Variants in LIPK observed in about 807,000 individuals in gnomAD.
The protein encoded by LIPK is lipase member K.
A neutral mutation model predicts 48.6 loss-of-function variants in LIPK; 32 were observed. That is an observed-to-expected ratio of 0.66 (90% CI 0.50 to 0.88). The LOEUF (loss-of-function observed/expected upper bound fraction) is 0.88. Among genes scored for constraint, LIPK ranks in the 40% least tolerant of loss-of-function variants. LIPK has a pLI of 0.00. For missense variants in LIPK, 507 were observed against 478.5 expected (o/e 1.06, Z -0.56); for synonymous variants, 164 against 157.4 (o/e 1.04, Z -0.32).
intron 6 of LIPK, among the ~76,000 whole-genome samples, chr10:88,736,684 A>G (rs1227240280): frequency 6.6e-6 from 1 of 152,230 alleles, no homozygotes. Flanking sequence ...ACTTCATAAA[A>G]TAATCAACAA....
intron 7 of LIPK, among the ~76,000 whole-genome samples, chr10:88,738,916 T>C (rs1467857632): frequency 6.6e-6 from 1 of 152,198 alleles, no homozygotes; most frequent in African/African-American, 2.4e-5. Context: ...TTTGAAAAAA[T>C]ACACATGTCC....
chr10:88,749,122 A>T (rs1454237604), intron 9 of LIPK, among the ~76,000 whole-genome samples: 7 of 152,164 alleles, frequency 4.6e-5, no homozygotes, highest in Non-Finnish European at 1.0e-4. Context: ...GAAATCAGAG[A>T]TGATACAAAT....
At chr10:88,743,610 T>C (rs774756216) in intron 9 of LIPK, among the ~76,000 whole-genome samples, 196 of 152,006 alleles carry the variant, frequency 1.3e-3, no homozygotes, top group Non-Finnish European at 2.8e-3. Flanking sequence ...GGGCTCAAGA[T>C]GGTCAACTGG....
chr10:88,731,243 T>C (rs1842461493), intron 4 of LIPK, 62 bp downstream of exon 4: 1 of 1,298,986 alleles, frequency 7.7e-7, no homozygotes, highest in Non-Finnish European at 1.0e-6. Flanking sequence ...TATGAACACC[T>C]AGTGATTTTT....
chr10:88,742,024 G>A (rs1371614278), intron 8 of LIPK, among the ~76,000 whole-genome samples: 1 of 152,206 alleles, frequency 6.6e-6, no homozygotes, highest in Non-Finnish European at 1.5e-5. Flanking sequence ...GGAAAGTGAA[G>A]GGGAAGCAAG....
chr10:88,752,323 C>T (rs1435979332), intron 9 of LIPK, among the ~76,000 whole-genome samples, 194 bp from the exon 10 acceptor site: 1 of 152,112 alleles, frequency 6.6e-6, no homozygotes, highest in African/African-American at 2.4e-5. Flanking sequence ...TTGTTTTTTT[C>T]GATTCACAAT....
intron 1 of LIPK, among the ~76,000 whole-genome samples, chr10:88,723,905 T>G (rs1222202710): frequency 3.9e-5 from 6 of 152,156 alleles, no homozygotes; most frequent in African/African-American, 1.4e-4. Flanking sequence ...ATTTGATGAC[T>G]GAATAATTCC....
intron 7 of LIPK, 123 bp downstream of exon 7, chr10:88,737,904 G>A (rs1842607008): frequency 3.1e-6 from 3 of 978,284 alleles, no homozygotes. Flanking sequence ...AATGTAATTA[G>A]TACATTTATG....
intron 6 of LIPK, among the ~76,000 whole-genome samples, chr10:88,733,475 T>C (rs891605650): frequency 6.6e-6 from 1 of 152,238 alleles, no homozygotes; most frequent in South Asian, 2.1e-4. Flanking sequence ...TGTTGAGAGC[T>C]AAGCAAATTA....
intron 1 of LIPK, among the ~76,000 whole-genome samples, chr10:88,719,293 G>T (rs1842176746): frequency 6.6e-6 from 1 of 152,206 alleles, no homozygotes; most frequent in Admixed American, 6.5e-5. Context: ...TTAAGTTTCA[G>T]AGAAGTTTAA....
chr10:88,739,656 C>T (rs1256413534), intron 7 of LIPK, among the ~76,000 whole-genome samples: 1 of 152,028 alleles, frequency 6.6e-6, no homozygotes, highest in Non-Finnish European at 1.5e-5. Flanking sequence ...GAGAGCGAGA[C>T]CATCCTGGCT....
At chr10:88,752,418 G>A in intron 9 of LIPK, 99 bp from the exon 10 acceptor site, 1 of 799,430 alleles carries the variant, frequency 1.3e-6, no homozygotes, top group Non-Finnish European at 2.0e-6. Context: ...TTGTACACTT[G>A]TAGCATTTAA....
At chr10:88,739,922 T>A (rs889984274) in intron 7 of LIPK, 74 bp from the exon 8 acceptor site, 10 of 880,576 alleles carry the variant, frequency 1.1e-5, no homozygotes, top group Non-Finnish European at 1.4e-5. Flanking sequence ...AGAAACTTTT[T>A]AAATTTCTCT....
chr10:88,722,752 G>A (rs553271720), intron 1 of LIPK, among the ~76,000 whole-genome samples: 7 of 152,238 alleles, frequency 4.6e-5, no homozygotes, highest in African/African-American at 1.4e-4. Flanking sequence ...GGCAACCTGA[G>A]TTCAGATTCT....
chr10:88,717,636 T>C (rs950738252), intron 1 of LIPK, among the ~76,000 whole-genome samples: 6 of 152,144 alleles, frequency 3.9e-5, no homozygotes, highest in Admixed American at 1.3e-4. Flanking sequence ...AAACTTTTCC[T>C]CCTCAGCACA....
chr10:88,710,942 A>G (rs1842016202), intron 1 of LIPK, among the ~76,000 whole-genome samples: 1 of 152,226 alleles, frequency 6.6e-6, no homozygotes, highest in Non-Finnish European at 1.5e-5. Context: ...GGAAAGGTCC[A>G]GTAGCTCCTC....
chr10:88,750,602 GT>G (rs1445801728), intron 9 of LIPK, among the ~76,000 whole-genome samples: 4 of 152,120 alleles, frequency 2.6e-5, no homozygotes, highest in African/African-American at 9.7e-5. Context: ...TAAACATTGA[GT>G]TTACATGGAC....
intron 9 of LIPK, among the ~76,000 whole-genome samples, chr10:88,751,371 CT>C (rs986066569): frequency 2.0e-5 from 3 of 151,502 alleles, no homozygotes; most frequent in Non-Finnish European, 4.4e-5. Context: ...AAAAAAAATT[CT>C]TTTTTTTAAT....
At chr10:88,733,475 T>A (rs891605650) in intron 6 of LIPK, among the ~76,000 whole-genome samples, 1 of 152,238 alleles carries the variant, frequency 6.6e-6, no homozygotes. Flanking sequence ...TGTTGAGAGC[T>A]AAGCAAATTA....
Sources: gnomAD v4.1 joint callset for allele counts (sites outside exome capture counted in the v4.1 genomes callset) on GRCh38, gnomAD v4.1.1 for gene constraint, MANE v1.5 for transcripts, NCBI Gene and HGNC (gene_info 2026-07-23, HGNC 2026-07-21) for gene names.